Variants in DLG2 observed in about 807,000 individuals in gnomAD.
The protein encoded by DLG2 is discs large MAGUK scaffold protein 2, also known as disks large homolog 2.
Under a neutral mutation model 132.5 loss-of-function variants are expected in DLG2, and 45 were observed. The observed-to-expected ratio is 0.34, with a 90% CI of 0.27 to 0.44. The LOEUF (loss-of-function observed/expected upper bound fraction) is 0.44, where lower values mean the gene tolerates loss of function less well. Ranked by LOEUF, DLG2 falls within the 20% of genes least tolerant of loss-of-function variation. The probability of loss-of-function intolerance (pLI) is 1.00; values close to 1 mark genes in which losing one functional copy is unlikely to be tolerated. For synonymous variants in DLG2, 424 were observed against 419.6 expected, an observed-to-expected ratio of 1.01 and a Z score of -0.13; for missense variants, 1,045 against 1,196.9, an observed-to-expected ratio of 0.87 and a Z score of 1.87.
chr11:83,501,768 A>T (rs934445079), intron 21 of DLG2, among the ~76,000 whole-genome samples: 1 of 152,160 alleles, frequency 6.6e-6, no homozygotes, highest in Admixed American at 6.6e-5. Context: ...GTGAGTGAAA[A>T]TTCTGTCTGG....
At chr11:84,529,141 A>C (rs760937534) in intron 7 of DLG2, among the ~76,000 whole-genome samples, 1 of 152,152 alleles carries the variant, frequency 6.6e-6, no homozygotes, top group Non-Finnish European at 1.5e-5. Flanking sequence ...GAGTGTCTTT[A>C]CTAAGACAAT....
At chr11:84,729,394 G>T (rs2062878558) in intron 6 of DLG2, among the ~76,000 whole-genome samples, 1 of 152,134 alleles carries the variant, frequency 6.6e-6, no homozygotes, top group African/African-American at 2.4e-5. Context: ...GGTTTTGAGT[G>T]AGTTTCTTAA....
chr11:85,241,972 C>T (rs140441081), intron 4 of DLG2, among the ~76,000 whole-genome samples: 7 of 152,056 alleles, frequency 4.6e-5, no homozygotes, highest in Admixed American at 2.6e-4. Context: ...AATCCTAACT[C>T]AAACACATCC....
chr11:84,344,798 A>T (rs1015093251), intron 7 of DLG2, among the ~76,000 whole-genome samples: 9 of 152,212 alleles, frequency 5.9e-5, no homozygotes, highest in Admixed American at 2.6e-4. Flanking sequence ...AAATTACTTG[A>T]TAGCTGAACC....
intron 7 of DLG2, among the ~76,000 whole-genome samples, chr11:84,354,718 T>A (rs1215034008): frequency 6.6e-6 from 1 of 152,082 alleles, no homozygotes; most frequent in Non-Finnish European, 1.5e-5. Flanking sequence ...CAGAGTCAGC[T>A]CCCTAAAGAG....
chr11:83,791,249 A>C, intron 17 of DLG2: 2 of 660,080 alleles, frequency 3.0e-6, no homozygotes. Context: ...ATCGGTGCTG[A>C]GGAGGAGGAG....
intron 16 of DLG2, among the ~76,000 whole-genome samples, chr11:83,851,700 T>C (rs901188137): frequency 4.0e-5 from 6 of 149,218 alleles, no homozygotes; most frequent in African/African-American, 9.9e-5. Context: ...GGTGGGTGGA[T>C]CACGAGGTCG....
At chr11:85,093,299 G>C (rs1438259625) in intron 6 of DLG2, among the ~76,000 whole-genome samples, 1 of 92,514 alleles carries the variant, frequency 1.1e-5, no homozygotes, top group Non-Finnish European at 2.0e-5. Context: ...CATTTGGCAA[G>C]GGAGTTTTTG....
chr11:85,435,565 G>T (rs1433420822), intron 3 of DLG2, among the ~76,000 whole-genome samples: 1 of 152,040 alleles, frequency 6.6e-6, no homozygotes, highest in Non-Finnish European at 1.5e-5. Context: ...ATTCACAGTT[G>T]CCACAAAGAG....
At chr11:83,850,131 T>G (rs920555347) in intron 16 of DLG2, among the ~76,000 whole-genome samples, 3 of 125,784 alleles carry the variant, frequency 2.4e-5, no homozygotes, top group African/African-American at 1.1e-4. Context: ...TAAGTGTGTG[T>G]GTGTGTGTGT....
At chr11:84,677,708 C>T (rs1595562691) in intron 6 of DLG2, among the ~76,000 whole-genome samples, 2 of 151,790 alleles carry the variant, frequency 1.3e-5, no homozygotes, top group Non-Finnish European at 2.9e-5. Context: ...GCATAGCTGA[C>T]CTCTGCAAAA....
At chr11:85,235,661 T>C (rs906973015) in intron 4 of DLG2, among the ~76,000 whole-genome samples, 1 of 151,992 alleles carries the variant, frequency 6.6e-6, no homozygotes, top group African/African-American at 2.4e-5. Flanking sequence ...CAGAAAACAA[T>C]GAGTCAATAT....
intron 6 of DLG2, among the ~76,000 whole-genome samples, chr11:84,557,463 T>A (rs1015183338): frequency 6.6e-6 from 1 of 152,186 alleles, no homozygotes; most frequent in African/African-American, 2.4e-5. Flanking sequence ...ATTTCTCTGA[T>A]ATGATCTTTA....
At chr11:84,374,167 G>T (rs1436080174) in intron 7 of DLG2, among the ~76,000 whole-genome samples, 1 of 152,126 alleles carries the variant, frequency 6.6e-6, no homozygotes, top group Non-Finnish European at 1.5e-5. Flanking sequence ...ATTCCTTATA[G>T]TCCTTCCTGG....
chr11:83,724,868 G>T, intron 18 of DLG2: 1 of 702,522 alleles, frequency 1.4e-6, no homozygotes, highest in Non-Finnish European at 2.6e-6. Flanking sequence ...CAGCTCTTTA[G>T]CAAGTTTCCA....
intron 3 of DLG2, among the ~76,000 whole-genome samples, chr11:85,502,863 T>C (rs143951834): frequency 1.3e-5 from 2 of 152,232 alleles, no homozygotes; most frequent in Non-Finnish European, 2.9e-5. Context: ...TGTACCTGGA[T>C]ACACATATAA....
intron 6 of DLG2, among the ~76,000 whole-genome samples, chr11:84,628,296 T>G (rs2099626172): frequency 6.6e-6 from 1 of 152,080 alleles, no homozygotes; most frequent in African/African-American, 2.4e-5. Flanking sequence ...AAGGAACTAT[T>G]CTCTGGTTAG....
chr11:84,667,774 C>A (rs2099701446), intron 6 of DLG2, among the ~76,000 whole-genome samples: 1 of 152,038 alleles, frequency 6.6e-6, no homozygotes, highest in Non-Finnish European at 1.5e-5. Flanking sequence ...GCTGGGATTA[C>A]AAGTGTAAGC....
At chr11:84,313,632 A>G (rs1430443176) in intron 7 of DLG2, among the ~76,000 whole-genome samples, 2 of 140,820 alleles carry the variant, frequency 1.4e-5, no homozygotes, top group Non-Finnish European at 3.1e-5. Flanking sequence ...AAAAGAAAGG[A>G]AAGAGAGAAA....
Sources: allele counts gnomAD v4.1 joint callset (sites outside exome capture counted in the v4.1 genomes callset), GRCh38; gene constraint gnomAD v4.1.1; transcripts MANE v1.5; gene names NCBI Gene and HGNC (gene_info 2026-07-23, HGNC 2026-07-21).